The following RAD23B variants were observed in gnomAD, a reference collection of about 807,000 sequenced individuals.
The protein encoded by RAD23B is lysine-specific demethylase RAD23B.
A neutral mutation model predicts 49.1 loss-of-function variants in RAD23B; 5 were observed. The ratio of observed to expected loss-of-function variants is 0.10; its 90% CI spans 0.05 to 0.21. The LOEUF (loss-of-function observed/expected upper bound fraction) is 0.21. RAD23B is among the 10% of genes least tolerant of loss of function. The probability of loss-of-function intolerance (pLI) is 1.00; values close to 1 mark genes in which losing one functional copy is unlikely to be tolerated. For synonymous variants in RAD23B, 184 were observed against 165.4 expected, an observed-to-expected ratio of 1.11 and a Z score of -0.86; for missense variants, 356 against 486.7, an observed-to-expected ratio of 0.73 and a Z score of 2.53.
chr9:107,288,755 A>C (rs1280520646), intron 1 of RAD23B, among the ~76,000 whole-genome samples: 1 of 152,188 alleles, frequency 6.6e-6, no homozygotes, highest in Non-Finnish European at 1.5e-5. Flanking sequence ...ATTTAAGCTG[A>C]GAGCTGAGTA....
At chr9:107,307,242 T>C (rs1826798156) in intron 4 of RAD23B, among the ~76,000 whole-genome samples, 1 of 152,274 alleles carries the variant, frequency 6.6e-6, no homozygotes, top group East Asian at 1.9e-4. Context: ...GAAAAGAGTG[T>C]TGAGATATTT....
At chr9:107,297,093 C>T (rs138525753) in intron 1 of RAD23B, among the ~76,000 whole-genome samples, 310 of 152,036 alleles carry the variant, frequency 2.0e-3, no homozygotes, top group African/African-American at 7.1e-3. Flanking sequence ...ACCTTGTGAT[C>T]TGCCCGCCTT....
chr9:107,292,272 G>A (rs770010368), intron 1 of RAD23B, among the ~76,000 whole-genome samples: 4 of 152,120 alleles, frequency 2.6e-5, no homozygotes, highest in Admixed American at 6.6e-5. Context: ...ATTGCAAAAA[G>A]CAATGTAGTG....
At position 107,331,976 on chromosome 9, in the gene RAD23B, C is replaced by A; in HGVS notation, c.*2320C>A. ...CTATTTGACTTTGGAATTTTGCATT[C>A]GAGGTATACTGTCATTTCTTGAAAT... On this transcript the variant is annotated 3_prime_UTR_variant, in exon 10 of 10. Transcript: ENST00000358015. 2.4e-6 allele frequency: 1 copy of A among 413,736 alleles called. No individual in the cohort carries two copies. Among genetic ancestry groups the A allele is most frequent in the Non-Finnish European group, 4.3e-6 (1 of 235,236 alleles). 25.6% of individuals were successfully genotyped at this position (413,736 alleles called of 1,614,324 possible).
chr9:107,285,871 A>C (rs1022216026), intron 1 of RAD23B, among the ~76,000 whole-genome samples: 1 of 152,172 alleles, frequency 6.6e-6, no homozygotes, highest in African/African-American at 2.4e-5. Flanking sequence ...AATATTTTTC[A>C]TGACAACTGT....
At chr9:107,285,752 A>T (rs921004733) in intron 1 of RAD23B, among the ~76,000 whole-genome samples, 3 of 152,198 alleles carry the variant, frequency 2.0e-5, no homozygotes, top group Non-Finnish European at 2.9e-5. Context: ...TGTTAGTATA[A>T]AAAAACTAAT....
At position 107,302,149 on chromosome 9, in the gene RAD23B, A is replaced by G. The variant is rs893212724; in HGVS notation, c.228+35A>G. ...AACCTCATTCTGTATATCTTTATGC[A>G]TGTAGGTCTTTTTAAAAATGATGAT... On this transcript the variant is annotated intron_variant, in intron 3 of 9. Transcript: ENST00000358015. 11 of 1,607,396 alleles carry G rather than the reference A, an allele frequency of 6.8e-6. 1 individual carries two copies. Among genetic ancestry groups the G allele is most frequent in the South Asian group, 1.1e-5 (1 of 90,146 alleles).
At chr9:107,291,630 T>A (rs370330005) in intron 1 of RAD23B, among the ~76,000 whole-genome samples, 1 of 152,176 alleles carries the variant, frequency 6.6e-6, no homozygotes, top group Non-Finnish European at 1.5e-5. Flanking sequence ...AAAATCAAAT[T>A]TGTATTTGTA....
intron 1 of RAD23B, among the ~76,000 whole-genome samples, chr9:107,290,209 G>A (rs1833352564): frequency 6.6e-6 from 1 of 152,178 alleles, no homozygotes; most frequent in Non-Finnish European, 1.5e-5. Context: ...CTACCTGCTA[G>A]CCTCTTCTTA....
intron 9 of RAD23B, 95 bp downstream of exon 9, chr9:107,325,099 G>T (rs569102084): frequency 8.2e-7 from 1 of 1,221,114 alleles, no homozygotes; most frequent in East Asian, 2.8e-5. Flanking sequence ...TGGATCACCT[G>T]AGGTCAGGAG....
chr9:107,289,358 T>G (rs953855562), intron 1 of RAD23B, among the ~76,000 whole-genome samples: 3 of 151,092 alleles, frequency 2.0e-5, no homozygotes, highest in Non-Finnish European at 3.0e-5. Context: ...CTAATTTTAG[T>G]TTTTTTTTGT....
chr9:107,305,447 A>G (rs1826742927), intron 3 of RAD23B, among the ~76,000 whole-genome samples: 1 of 152,226 alleles, frequency 6.6e-6, no homozygotes, highest in Admixed American at 6.5e-5. Flanking sequence ...TCAAGGTGGC[A>G]GAGATGGAGG....
rs560965805 is a variant in RAD23B at position 107,330,846 on chromosome 9, T to C, written c.*1190T>C. ...TGGCTGGAAAGTACTTTGGAAAATA[T>C]ACAATCAAGATATCTCATGGCATAT... On this transcript the variant is annotated 3_prime_UTR_variant, in exon 10 of 10. Coordinates refer to ENST00000358015, the MANE Select transcript of RAD23B (RefSeq NM_002874.5). The surrounding 1 kb of genome is among the most constrained non-coding windows in gnomAD (Gnocchi z 4.4). 5 of 152,776 alleles carry C rather than the reference T, an allele frequency of 3.3e-5. No homozygotes were observed. The highest frequency in any genetic ancestry group is 4.1e-4 in the South Asian group (2 of 4,834). 9.5% of individuals were successfully genotyped at this position (152,776 alleles called of 1,614,324 possible).
intron 1 of RAD23B, among the ~76,000 whole-genome samples, chr9:107,289,873 C>A (rs1833347384): frequency 6.6e-6 from 1 of 152,220 alleles, no homozygotes; most frequent in African/African-American, 2.4e-5. Flanking sequence ...TGATTAAATT[C>A]AACTCAGTGT....
intron 4 of RAD23B, among the ~76,000 whole-genome samples, chr9:107,309,352 AGT>A (rs1826844108): frequency 1.3e-5 from 2 of 152,204 alleles, no homozygotes; most frequent in Non-Finnish European, 2.9e-5. Context: ...ATGTTAAATG[AGT>A]GTGGTTTTGA....
At chr9:107,313,373 G>C (rs955547851) in intron 5 of RAD23B, among the ~76,000 whole-genome samples, 2 of 151,932 alleles carry the variant, frequency 1.3e-5, no homozygotes, top group Non-Finnish European at 2.9e-5. Context: ...TTACAGGCAC[G>C]TGCCACCACG....
At chr9:107,288,834 T>C (rs1833325880) in intron 1 of RAD23B, among the ~76,000 whole-genome samples, 1 of 152,072 alleles carries the variant, frequency 6.6e-6, no homozygotes, top group East Asian at 1.9e-4. Context: ...CCTTTAAGAA[T>C]GTGTTTTGGG....
Position 107,318,997 on chromosome 9 carries a change from CTT to C in RAD23B, c.681+127_681+128del, listed in dbSNP as rs908080037. On this transcript the variant is annotated intron_variant, in intron 6 of 9. Coordinates refer to ENST00000358015, the MANE Select transcript of RAD23B (RefSeq NM_002874.5). The surrounding 1 kb of genome is among the most constrained non-coding windows in gnomAD (Gnocchi z 4.3). ...TATATGCTAGATGATATACATAATG[CTT>C]TTTTTTTTCTAGTATGTTTGTATTT... The C allele has an allele frequency of 5.7e-6, 5 of 882,524 alleles. No individual in the cohort carries two copies. The highest frequency in any genetic ancestry group is 3.4e-5 in the East Asian group (1 of 29,060). The allele number at this position is 882,524 out of a possible 1,614,324, so 54.7% of individuals were successfully genotyped here.
intron 7 of RAD23B, among the ~76,000 whole-genome samples, 194 bp from the exon 8 acceptor site, chr9:107,323,696 G>C (rs1294613216): frequency 6.6e-6 from 1 of 152,220 alleles, no homozygotes; most frequent in South Asian, 2.1e-4. Flanking sequence ...TTTGCTAATA[G>C]GAGTAATTTT....
Sources: gnomAD v4.1 joint callset for allele counts (sites outside exome capture counted in the v4.1 genomes callset) on GRCh38, gnomAD v4.1.1 for gene constraint, Gnocchi (gnomAD v3.1) non-coding constraint, MANE v1.5 for transcripts, NCBI Gene and HGNC (gene_info 2026-07-23, HGNC 2026-07-21) for gene names.